Variants in SLC2A11 observed in about 807,000 individuals in gnomAD.
SLC2A11 encodes solute carrier family 2, facilitated glucose transporter member 11.
A neutral mutation model predicts 52.1 loss-of-function variants in SLC2A11; 43 were observed. The observed-to-expected ratio is 0.82, with a 90% CI of 0.65 to 1.06. The LOEUF is 1.06. Ranked by LOEUF, SLC2A11 falls within the 50% of genes least tolerant of loss-of-function variation. The probability of loss-of-function intolerance (pLI) is 0.00; values close to 1 mark genes in which losing one functional copy is unlikely to be tolerated. For missense variants in SLC2A11, 582 were observed against 654.2 expected (o/e 0.89, Z 1.20); for synonymous variants, 261 against 277.6 (o/e 0.94, Z 0.59).
At chr22:23,858,163 A>C (rs543209884) in intron 1 of SLC2A11, 134 bp downstream of exon 1, 86 of 1,315,026 alleles carry the variant, frequency 6.5e-5, no homozygotes, top group Admixed American at 5.9e-4. Flanking sequence ...GCTTGTATGT[A>C]CAGTGGCGTT....
At position 23,862,168 on chromosome 22, in the gene SLC2A11, G is replaced by T. The variant is rs2032092858; in HGVS notation, c.95G>T (p.Gly32Val). The T allele has an allele frequency of 1.9e-6, 3 of 1,613,972 alleles. No individual in the cohort carries two copies. Among genetic ancestry groups the T allele is most frequent in the Admixed American group, 1.7e-5 (1 of 60,000 alleles). The stretch of plus-strand genomic sequence containing the variant: ...GGCATTGGTGGGACTTTTCAGTTTG[G>T]CTATAACCTCTCTATCATCAATGCC... ...AAGIGGTFQF[G>V]YNLSIINAPT... Residue 32 changes from glycine (G) to valine (V), a missense_variant, in exon 2 of 12, where the codon GGC (glycine) becomes GTC (valine). By Grantham distance (109) the Gly-to-Val change is moderately radical. Coordinates refer to ENST00000316185, the MANE Select transcript of SLC2A11 (RefSeq NM_001024939.4).
Position 23,882,628 on chromosome 22 carries a change from G to C in SLC2A11, c.864G>C (p.Glu288Asp). Residue 288 changes from glutamate (E) to aspartate (D), a missense_variant, in exon 7 of 12, where the codon GAG becomes GAC. By Grantham distance (45) the Glu-to-Asp change is conservative. Transcript: ENST00000316185. ...TSLVVLGSAMELCGNDSVYAY... is the reference protein window; with the variant it reads ...TSLVVLGSAMDLCGNDSVYAY... ...TCGTGGTTCTGGGCAGTGCCATGGA[G>C]CTCTGCGGGAATGACTCGGTGAGAC... 1 of 1,613,018 alleles carries C rather than the reference G, an allele frequency of 6.2e-7. No homozygotes were observed. The highest frequency in any genetic ancestry group is 1.1e-5 in the South Asian group (1 of 90,978).
intron 1 of SLC2A11, among the ~76,000 whole-genome samples, chr22:23,858,773 C>G (rs933923450): frequency 1.3e-5 from 2 of 152,306 alleles, no homozygotes; most frequent in South Asian, 4.1e-4. Flanking sequence ...CCCTTCACTG[C>G]TTTAAGTCTC....
intron 6 of SLC2A11, 181 bp from the exon 7 acceptor site, chr22:23,882,278 A>T: frequency 1.6e-6 from 1 of 610,338 alleles, no homozygotes; most frequent in Non-Finnish European, 2.9e-6. Flanking sequence ...AGACACACAC[A>T]GAGACAGAGA....
intron 2 of SLC2A11, among the ~76,000 whole-genome samples, chr22:23,864,168 G>A (rs4822441): frequency 0.35 from 53,904 of 151,872 alleles, 10,045 homozygotes; most frequent in Middle Eastern, 0.45. Context: ...GGGAACCAAG[G>A]GCTGTAGTTG....
intron 1 of SLC2A11, among the ~76,000 whole-genome samples, chr22:23,859,973 G>C (rs77011564): frequency 6.6e-6 from 1 of 152,150 alleles, no homozygotes; most frequent in Non-Finnish European, 1.5e-5. Context: ...AGATATCAAC[G>C]ATTCAATTTT....
chr22:23,867,372 A>C, intron 2 of SLC2A11: 1 of 152,122 alleles, frequency 6.6e-6, no homozygotes, highest in Non-Finnish European at 1.4e-5. Context: ...TTTTTTTTGT[A>C]TTTTTAGTAG....
intron 6 of SLC2A11, 142 bp downstream of exon 6, chr22:23,878,011 A>G (rs1476105462): frequency 2.8e-6 from 3 of 1,057,910 alleles, no homozygotes; most frequent in East Asian, 2.7e-5. Context: ...TGATCTGCCT[A>G]TACCTGCCTT....
upstream of SLC2A11, chr22:23,857,073 TGGGGGGGGGGGGGTGTAG>T: frequency 9.8e-6 from 4 of 407,352 alleles, no homozygotes; most frequent in Non-Finnish European, 1.6e-5. Context: ...TGTGTGTGTG[TGGGGGGGGGGGGGTGTAG>T]GTGGGGCGTG....
Position 23,882,462 on chromosome 22 carries a change from T to C in SLC2A11, c.698T>C (p.Leu233Pro), listed in dbSNP as rs767503942. 7 of 1,538,550 alleles carry C rather than the reference T, an allele frequency of 4.5e-6. No homozygotes were observed. The highest frequency in any genetic ancestry group is 1.2e-5 in the South Asian group (1 of 82,854). The change falls in exon 7 of 12, where the codon CTA becomes CCA. Residue 233 changes from leucine to proline, a missense_variant. Transcript: ENST00000316185. ...CGDTEACLAA[L>P]RRLRGSGDLA... ...AGTACCCTCCTCCCTGGCTCAGCAC[T>C]ACGGCGGCTCCGGGGCTCCGGGGAC...
Position 23,884,062 on chromosome 22 carries a change from C to T in SLC2A11, c.1171+38C>T, listed in dbSNP as rs1485391699. 1 of 1,601,084 alleles carries T rather than the reference C, an allele frequency of 6.2e-7. No homozygotes were observed. The highest frequency in any genetic ancestry group is 1.3e-5 in the African/African-American group (1 of 74,160). On this transcript the variant is annotated intron_variant, in intron 10 of 11. Coordinates refer to ENST00000316185, the MANE Select transcript of SLC2A11 (RefSeq NM_001024939.4). The surrounding 1 kb of genome is among the most constrained non-coding windows in gnomAD (Gnocchi z 4.3). ...AAGGGGCTCTGGGCATCCATCATCACATAGAAGGAGTGATGGGTGCCTGGG... is the reference window on the plus strand; with the variant it reads ...AAGGGGCTCTGGGCATCCATCATCATATAGAAGGAGTGATGGGTGCCTGGG...
At chr22:23,874,758 T>C (rs1162829622) in intron 3 of SLC2A11, among the ~76,000 whole-genome samples, 2 of 152,068 alleles carry the variant, frequency 1.3e-5, no homozygotes, top group Admixed American at 6.6e-5. Flanking sequence ...AGCCTAATTT[T>C]TTTTGTATTT....
At position 23,882,822 on chromosome 22, in the gene SLC2A11, G is replaced by T. The variant is rs749380110; in HGVS notation, c.946G>T (p.Ala316Ser). 6.2e-7 allele frequency: 1 copy of T among 1,613,848 alleles called. No homozygotes were observed. ...AGTGCCGGAAGCGAAGATCCAGTACGCGATCATCGGGACTGGGAGCTGCGA... is the reference window on the plus strand; with the variant it reads ...AGTGCCGGAAGCGAAGATCCAGTACTCGATCATCGGGACTGGGAGCTGCGA... ...AGVPEAKIQY[A>S]IIGTGSCELL... The change falls in exon 8 of 12, where the codon GCG (alanine) becomes TCG (serine). Residue 316 changes from alanine to serine, a missense_variant. By Grantham distance (99) the Ala-to-Ser change is moderately conservative. Transcript: ENST00000316185.
chr22:23,860,107 G>T (rs1212782264), intron 1 of SLC2A11, among the ~76,000 whole-genome samples: 1 of 152,172 alleles, frequency 6.6e-6, no homozygotes, highest in African/African-American at 2.4e-5. Flanking sequence ...TAACAAACGT[G>T]TCATTTTGTA....
intron 3 of SLC2A11, among the ~76,000 whole-genome samples, chr22:23,874,007 A>G (rs758773311): frequency 7.2e-5 from 11 of 152,112 alleles, no homozygotes; most frequent in Non-Finnish European, 1.5e-4. Context: ...GGTGATCTGT[A>G]TGGCAGCACT....
rs1203638551 is a variant in SLC2A11 at position 23,877,732 on chromosome 22, G to A, written c.557G>A (p.Gly186Asp). ...GQVVGLRELL[G>D]GPQAWPLLLA... ...CTCTGCCTCCTTAGGGAGCTCCTAG[G>A]TGGCCCTCAGGCCTGGCCCCTGCTG... The change falls in exon 6 of 12, where the codon GGT (glycine) becomes GAT (aspartate). Residue 186 changes from glycine (G) to aspartate (D), a missense_variant. Physicochemically the swap from Gly to Asp is moderately conservative, Grantham distance 94 (BLOSUM62 -1). Transcript: ENST00000316185. The A allele has an allele frequency of 3.8e-6, 6 of 1,593,306 alleles. No homozygotes were observed. Among genetic ancestry groups the A allele is most frequent in the Non-Finnish European group, 5.1e-6 (6 of 1,171,364 alleles).
At chr22:23,864,653 T>C (rs2146110351) in intron 2 of SLC2A11, among the ~76,000 whole-genome samples, 1 of 152,284 alleles carries the variant, frequency 6.6e-6, no homozygotes, top group East Asian at 1.9e-4. Flanking sequence ...AGCACCCACT[T>C]CAGTGCACAC....
At chr22:23,878,635 A>T (rs2032703295) in intron 6 of SLC2A11, among the ~76,000 whole-genome samples, 1 of 152,198 alleles carries the variant, frequency 6.6e-6, no homozygotes, top group Non-Finnish European at 1.5e-5. Context: ...TTGATGGCAT[A>T]TCCTCTCCCA....
chr22:23,879,022 G>A (rs1430343594), intron 6 of SLC2A11, among the ~76,000 whole-genome samples: 10 of 152,152 alleles, frequency 6.6e-5, no homozygotes, highest in Admixed American at 2.6e-4. Context: ...ATTCTGAAGC[G>A]CCCCTAGGAA....
Sources: allele counts gnomAD v4.1 joint callset (sites outside exome capture counted in the v4.1 genomes callset), GRCh38; gene constraint gnomAD v4.1.1; non-coding constraint Gnocchi (gnomAD v3.1); transcripts MANE v1.5; gene names NCBI Gene and HGNC (gene_info 2026-07-23, HGNC 2026-07-21).